The following TPST1 variants were observed in gnomAD, a reference collection of about 807,000 sequenced individuals.
TPST1 encodes protein-tyrosine sulfotransferase 1.
In TPST1, 20 loss-of-function variants were observed where a neutral mutation model predicts 34.8. That is an observed-to-expected ratio of 0.57 (90% CI 0.40 to 0.84). The LOEUF is 0.84. TPST1 is among the 40% of genes least tolerant of loss of function. The probability of loss-of-function intolerance (pLI) is 0.00; values close to 1 mark genes in which losing one functional copy is unlikely to be tolerated. For synonymous variants in TPST1, 152 were observed against 159.4 expected (o/e 0.95, Z 0.35); for missense variants, 353 against 455.5 (o/e 0.78, Z 2.05).
chr7:66,211,191 A>G (rs945411301), intron 1 of TPST1, among the ~76,000 whole-genome samples: 4 of 151,570 alleles, frequency 2.6e-5, no homozygotes, highest in African/African-American at 9.7e-5. Flanking sequence ...CTGGAGTGCA[A>G]TGGCGCGATC....
At chr7:66,336,680 T>A (rs763646841) in intron 3 of TPST1, among the ~76,000 whole-genome samples, 2 of 152,174 alleles carry the variant, frequency 1.3e-5, no homozygotes, top group Admixed American at 6.5e-5. Flanking sequence ...GTAGAAAGCA[T>A]ACTTAAGCAA....
intron 3 of TPST1, among the ~76,000 whole-genome samples, chr7:66,337,863 C>A (rs1792153762): frequency 6.6e-6 from 1 of 152,014 alleles, no homozygotes; most frequent in Non-Finnish European, 1.5e-5. Context: ...ATAAATAGCA[C>A]AAAATCAAAG....
intron 1 of TPST1, among the ~76,000 whole-genome samples, chr7:66,236,046 T>TA (rs1789905833): frequency 6.6e-6 from 1 of 152,018 alleles, no homozygotes; most frequent in African/African-American, 2.4e-5. Context: ...CAGCTTTTTT[T>TA]TAAAAAAAGG....
intron 2 of TPST1, among the ~76,000 whole-genome samples, chr7:66,263,427 C>T (rs1790528248): frequency 1.3e-5 from 2 of 152,152 alleles, no homozygotes; most frequent in South Asian, 4.1e-4. Context: ...GTTTCTCATA[C>T]TAGTCTCTGT....
intron 2 of TPST1, among the ~76,000 whole-genome samples, chr7:66,269,230 A>G (rs1442067467): frequency 2.0e-5 from 3 of 152,226 alleles, no homozygotes; most frequent in Non-Finnish European, 4.4e-5. Context: ...ATTTTAGTAG[A>G]TGGAAAACTC....
intron 3 of TPST1, among the ~76,000 whole-genome samples, chr7:66,314,281 TC>T (rs1490249020): frequency 3.3e-5 from 5 of 152,198 alleles, no homozygotes. Context: ...ATGCCTATGA[TC>T]CCAACACTTT....
intron 3 of TPST1, among the ~76,000 whole-genome samples, chr7:66,348,248 A>G (rs1792395852): frequency 6.6e-6 from 1 of 152,190 alleles, no homozygotes; most frequent in Non-Finnish European, 1.5e-5. Context: ...TTATTGCTAT[A>G]GACTCCATAC....
intron 1 of TPST1, among the ~76,000 whole-genome samples, chr7:66,235,573 TA>T (rs200354627): frequency 6.6e-6 from 1 of 151,934 alleles, no homozygotes; most frequent in African/African-American, 2.4e-5. Context: ...ATTCCTTTTT[TA>T]AAAAAAAGCT....
At chr7:66,234,288 A>G (rs1421120728) in intron 1 of TPST1, among the ~76,000 whole-genome samples, 1 of 152,182 alleles carries the variant, frequency 6.6e-6, no homozygotes, top group African/African-American at 2.4e-5. Flanking sequence ...CCTAAATGCC[A>G]TTTTAAAAGA....
rs55888171 is a variant in TPST1 at position 66,296,676 on chromosome 7, G to GTTTTTTTTTT, written c.1044+9979_1044+9988dup. 1.7e-4 allele frequency among the ~76,000 whole-genome samples: 16 copies of GTTTTTTTTTT among 92,106 alleles called. 1 individual carries two copies. Among genetic ancestry groups the GTTTTTTTTTT allele is most frequent in the Non-Finnish European group, 1.8e-4 (9 of 49,954 alleles). 60.4% of individuals were successfully genotyped at this position (92,106 alleles called of 152,430 possible). A position where few individuals can be genotyped will look rare whatever the true frequency, so the allele number is the denominator to read the frequency against. On this transcript the variant is annotated intron_variant, in intron 3 of 5. Transcript: ENST00000304842. Reference sequence around the variant, plus strand: ...CTCTAAGCCTAAAAATACTGGGTTGGTTTTTTTTTTTTTTTTTTTTTGGTA... The same window carrying GTTTTTTTTTT: ...CTCTAAGCCTAAAAATACTGGGTTGGTTTTTTTTTTTTTTTTTTTTTTTTTTTTTTTGGTA...
intron 4 of TPST1, among the ~76,000 whole-genome samples, chr7:66,354,733 G>A (rs1364281660): frequency 6.6e-6 from 1 of 152,202 alleles, no homozygotes. Flanking sequence ...CAGGCATGAG[G>A]CTCACGCTTG....
At position 66,332,585 on chromosome 7, in the gene TPST1, A is replaced by G. The variant is rs185845806; in HGVS notation, c.1045-19920A>G. ...AACATGCCTGGCCTGTTTACATCTT[A>G]ATTATGAATTGTTACTATAGTCAGC... On this transcript the variant is annotated intron_variant, in intron 3 of 5. Coordinates refer to ENST00000304842, the MANE Select transcript of TPST1 (RefSeq NM_003596.4). The surrounding 1 kb of genome is among the most constrained non-coding windows in gnomAD (Gnocchi z 4.5). Among the ~76,000 whole-genome samples, 25 of 152,208 alleles carry G rather than the reference A, an allele frequency of 1.6e-4. No individual in the cohort carries two copies. The East Asian group carries it at 4.8e-3, about 29-fold the overall frequency.
intron 1 of TPST1, among the ~76,000 whole-genome samples, chr7:66,229,853 TA>T (rs1789740430): frequency 6.6e-6 from 1 of 152,146 alleles, no homozygotes; most frequent in African/African-American, 2.4e-5. Context: ...ATTATTGAGA[TA>T]AAATCCACAT....
rs181975704 is a variant in TPST1 at position 66,216,880 on chromosome 7, A to G, written c.-102+11358A>G. The stretch of plus-strand genomic sequence containing the variant: ...TCCCTCATAGCACTGCTTTTGCTGC[A>G]TCCCATGAGTTTTGTACTTTCAACT... On this transcript the variant is annotated intron_variant, in intron 1 of 5. Transcript: ENST00000304842. Among the ~76,000 whole-genome samples, 128 of 152,366 alleles carry G rather than the reference A, an allele frequency of 8.4e-4. 1 individual carries two copies. The South Asian group carries it at 0.013, about 15-fold the overall frequency.
chr7:66,231,111 C>T (rs1328221721), intron 1 of TPST1, among the ~76,000 whole-genome samples: 1 of 152,138 alleles, frequency 6.6e-6, no homozygotes, highest in Admixed American at 6.5e-5. Context: ...AAGGCCCCAC[C>T]AGAGCAGCTA....
At chr7:66,229,801 T>G (rs904997393) in intron 1 of TPST1, among the ~76,000 whole-genome samples, 1 of 152,178 alleles carries the variant, frequency 6.6e-6, no homozygotes, top group African/African-American at 2.4e-5. Flanking sequence ...TTCAGTATAT[T>G]TTAGCCATTC....
At position 66,346,178 on chromosome 7, in the gene TPST1, A is replaced by G. The variant is rs939800794; in HGVS notation, c.1045-6327A>G. Among the ~76,000 whole-genome samples the G allele has an allele frequency of 1.5e-3, 87 of 57,198 alleles. 2 individuals are homozygous for G. Among genetic ancestry groups the G allele is most frequent in the African/African-American group, 7.4e-3 (82 of 11,076 alleles). The allele number at this position is 57,198 out of a possible 152,430, so 37.5% of individuals were successfully genotyped here. A position where few individuals can be genotyped will look rare whatever the true frequency, so the allele number is the denominator to read the frequency against. On this transcript the variant is annotated intron_variant, in intron 3 of 5. Transcript: ENST00000304842. ...CAGGGTCATTCTTTTCTATGGCTGA[A>G]TAGTACATATATATATATATATATA...
intron 1 of TPST1, among the ~76,000 whole-genome samples, chr7:66,219,538 A>G (rs995487337): frequency 1.3e-5 from 2 of 152,216 alleles, no homozygotes; most frequent in African/African-American, 4.8e-5. Context: ...AGTAAAGCAT[A>G]ATGGCTACAT....
chr7:66,333,787 A>G (rs1417637513), intron 3 of TPST1, among the ~76,000 whole-genome samples: 1 of 152,178 alleles, frequency 6.6e-6, no homozygotes, highest in Admixed American at 6.5e-5. Flanking sequence ...CAGAGAATGT[A>G]TATACTGTAT....
Sources: allele counts gnomAD v4.1 joint callset (sites outside exome capture counted in the v4.1 genomes callset), GRCh38; gene constraint gnomAD v4.1.1; non-coding constraint Gnocchi (gnomAD v3.1); transcripts MANE v1.5; gene names NCBI Gene and HGNC (gene_info 2026-07-23, HGNC 2026-07-21).